The following ZC2HC1A variants were observed in gnomAD, a reference collection of about 807,000 sequenced individuals.
ZC2HC1A encodes zinc finger C2HC-type containing 1A.
ZC2HC1A carries 28 observed loss-of-function variants against 40.7 expected under a neutral mutation model. The ratio of observed to expected loss-of-function variants is 0.69; its 90% CI spans 0.51 to 0.94. The LOEUF is 0.94. Ranked by LOEUF, ZC2HC1A falls within the 40% of genes least tolerant of loss-of-function variation. The pLI, the probability that ZC2HC1A is intolerant of heterozygous loss-of-function variation, is 0.00. For missense variants in ZC2HC1A, 389 were observed against 386.3 expected (o/e 1.01, Z -0.06); for synonymous variants, 129 against 129.2 (o/e 1.00, Z 0.01).
chr8:78,698,717 C>G (rs181709050), intron 7 of ZC2HC1A, among the ~76,000 whole-genome samples: 1 of 152,190 alleles, frequency 6.6e-6, no homozygotes, highest in East Asian at 1.9e-4. Flanking sequence ...GTATTAAAAG[C>G]CTTAGAAATC....
chr8:78,686,355 C>A, intron 3 of ZC2HC1A, 112 bp from the exon 4 acceptor site: 1 of 914,744 alleles, frequency 1.1e-6, no homozygotes, highest in Non-Finnish European at 1.5e-6. Flanking sequence ...CATTTAAGGA[C>A]TCCTGATAAG....
intron 1 of ZC2HC1A, among the ~76,000 whole-genome samples, chr8:78,670,208 C>T (rs535656773): frequency 4.6e-5 from 7 of 152,114 alleles, no homozygotes; most frequent in East Asian, 1.9e-4. Flanking sequence ...CTCAGGTGGT[C>T]TGCCTGCCTC....
rs1811065947 is a variant in ZC2HC1A at position 78,715,303 on chromosome 8, A to G, written c.787A>G (p.Thr263Ala). The G allele has an allele frequency of 1.2e-6, 2 of 1,613,636 alleles. No individual in the cohort carries two copies. The highest frequency in any genetic ancestry group is 1.7e-6 in the Non-Finnish European group (2 of 1,179,814). ...APGVLTNKRKTYTESYIARPD... is the reference protein window; with the variant it reads ...APGVLTNKRKAYTESYIARPD... ...AGGTGTGCTTACAAACAAAAGAAAA[A>G]CATATACTGAGAGCTACATAGCCAG... The change falls in exon 8 of 9, where the codon ACA (threonine) becomes GCA (alanine). Residue 263 changes from threonine (T) to alanine (A), a missense_variant. Coordinates refer to ENST00000263849, the MANE Select transcript of ZC2HC1A (RefSeq NM_016010.3).
intron 7 of ZC2HC1A, among the ~76,000 whole-genome samples, chr8:78,711,191 A>T (rs1810940059): frequency 6.6e-6 from 1 of 152,124 alleles, no homozygotes. Flanking sequence ...AGCAAATAAG[A>T]TTGTTTCCTA....
intron 3 of ZC2HC1A, among the ~76,000 whole-genome samples, chr8:78,685,205 G>C (rs906289342): frequency 3.3e-5 from 5 of 151,918 alleles, no homozygotes; most frequent in African/African-American, 9.6e-5. Context: ...ATTCTGTTGT[G>C]GGGGGACAGG....
At chr8:78,666,441 T>G (rs1225981446) in intron 1 of ZC2HC1A, among the ~76,000 whole-genome samples, 2 of 152,246 alleles carry the variant, frequency 1.3e-5, no homozygotes, top group African/African-American at 2.4e-5. Context: ...CGTCTCTTCC[T>G]ACCATTTTCT....
intron 4 of ZC2HC1A, among the ~76,000 whole-genome samples, chr8:78,687,582 GTAATAAATTATATATATTTACA>G (rs1366224265): frequency 3.8e-5 from 5 of 131,296 alleles, no homozygotes; most frequent in Admixed American, 1.6e-4. Flanking sequence ...ATATATTTAC[GTAATAAATTATATATATTTACA>G]TAATACATTA....
chr8:78,708,562 TAAAA>T (rs549929700), intron 7 of ZC2HC1A, among the ~76,000 whole-genome samples: 52 of 151,622 alleles, frequency 3.4e-4, no homozygotes, highest in Non-Finnish European at 6.9e-4. Flanking sequence ...TTTTTAAATG[TAAAA>T]AAAAGCAATC....
chr8:78,668,837 T>C (rs989519477), intron 1 of ZC2HC1A, among the ~76,000 whole-genome samples: 2 of 152,208 alleles, frequency 1.3e-5, no homozygotes, highest in African/African-American at 2.4e-5. Flanking sequence ...TAAGCTTTTT[T>C]TATTTGTAAA....
At chr8:78,671,557 C>T (rs980686494) in intron 1 of ZC2HC1A, among the ~76,000 whole-genome samples, 1 of 152,026 alleles carries the variant, frequency 6.6e-6, no homozygotes, top group Non-Finnish European at 1.5e-5. Context: ...TTTTTTATTT[C>T]TGTAGGTTAT....
chr8:78,666,794 G>T (rs1020300365), intron 1 of ZC2HC1A, among the ~76,000 whole-genome samples: 3 of 152,160 alleles, frequency 2.0e-5, no homozygotes, highest in African/African-American at 4.8e-5. Flanking sequence ...GCCTGTATTG[G>T]TTCCTTATCT....
intron 5 of ZC2HC1A, among the ~76,000 whole-genome samples, chr8:78,690,311 G>A (rs113567669): frequency 0.037 from 5,620 of 152,236 alleles, 313 homozygotes; most frequent in African/African-American, 0.13. Flanking sequence ...TTTAATCCCA[G>A]CACTTTGGGA....
intron 3 of ZC2HC1A, among the ~76,000 whole-genome samples, chr8:78,682,666 C>G (rs1005268542): frequency 2.0e-5 from 3 of 152,138 alleles, no homozygotes; most frequent in African/African-American, 7.2e-5. Flanking sequence ...CATTCTGTCC[C>G]TGGCCACTCC....
intron 1 of ZC2HC1A, among the ~76,000 whole-genome samples, chr8:78,672,218 A>AT (rs905475815): frequency 6.6e-6 from 1 of 152,178 alleles, no homozygotes; most frequent in East Asian, 1.9e-4. Context: ...TTCTATTAAT[A>AT]TTTTTTTAAA....
At chr8:78,694,798 A>C (rs1810346256) in intron 5 of ZC2HC1A, among the ~76,000 whole-genome samples, 1 of 152,230 alleles carries the variant, frequency 6.6e-6, no homozygotes, top group Non-Finnish European at 1.5e-5. Context: ...ATTTGTGAGC[A>C]GCATAAAAAC....
chr8:78,719,548 T>A lies in ZC2HC1A; in HGVS notation c.*2055T>A, dbSNP rs1811199675. On this transcript the variant is annotated 3_prime_UTR_variant, in exon 9 of 9. Coordinates refer to ENST00000263849, the MANE Select transcript of ZC2HC1A (RefSeq NM_016010.3). ...ATCTTCCTATGCATCATGTATTTTA[T>A]TTTTATTTATTTTCACAAGTATTTG... 1 of 151,872 alleles carries A rather than the reference T, an allele frequency of 6.6e-6. No homozygotes were observed. The highest frequency in any genetic ancestry group is 2.1e-4 in the South Asian group (1 of 4,838). 9.4% of individuals were successfully genotyped at this position (151,872 alleles called of 1,614,324 possible).
chr8:78,699,437 A>G (rs564875807), intron 7 of ZC2HC1A, among the ~76,000 whole-genome samples: 3 of 152,294 alleles, frequency 2.0e-5, no homozygotes, highest in African/African-American at 7.2e-5. Context: ...TCAGTTGATT[A>G]ATGAAATACA....
At chr8:78,700,349 G>T (rs1434320405) in intron 7 of ZC2HC1A, among the ~76,000 whole-genome samples, 3 of 151,346 alleles carry the variant, frequency 2.0e-5, no homozygotes, top group Admixed American at 6.6e-5. Flanking sequence ...TTTTTTTCTT[G>T]TAAGTTTGTT....
chr8:78,689,382 A>G lies in ZC2HC1A; in HGVS notation c.504+9A>G, dbSNP rs1259368086. ...CTTCTCGGACACAGGTGGTAAGTTC[A>G]GTTTTAATAATTGCTATAAACGAGA... On this transcript the variant is annotated intron_variant, in intron 5 of 8. Coordinates refer to ENST00000263849, the MANE Select transcript of ZC2HC1A (RefSeq NM_016010.3). 34 of 1,554,986 alleles carry G rather than the reference A, an allele frequency of 2.2e-5. No individual in the cohort carries two copies. The highest frequency in any genetic ancestry group is 2.5e-5 in the Non-Finnish European group (29 of 1,154,692).
Sources: allele counts gnomAD v4.1 joint callset (sites outside exome capture counted in the v4.1 genomes callset), GRCh38; gene constraint gnomAD v4.1.1; transcripts MANE v1.5; gene names NCBI Gene and HGNC (gene_info 2026-07-23, HGNC 2026-07-21).